The following RIPK1 variants were observed in gnomAD, a reference collection of about 807,000 sequenced individuals.
RIPK1 encodes the protein receptor interacting serine/threonine kinase 1.
Under a neutral mutation model 62.4 loss-of-function variants are expected in RIPK1, and 27 were observed. The ratio of observed to expected loss-of-function variants is 0.43; its 90% CI spans 0.32 to 0.60. The LOEUF (loss-of-function observed/expected upper bound fraction) is 0.60. Ranked by LOEUF, RIPK1 falls within the 20% of genes least tolerant of loss-of-function variation. The probability of loss-of-function intolerance (pLI) is 0.07; values close to 1 mark genes in which losing one functional copy is unlikely to be tolerated. For synonymous variants in RIPK1, 287 were observed against 303.2 expected, an observed-to-expected ratio of 0.95 and a Z score of 0.55; for missense variants, 735 against 831.0, an observed-to-expected ratio of 0.88 and a Z score of 1.42.
chr6:3,064,982 C>T (rs1352672604), upstream of RIPK1, among the ~76,000 whole-genome samples: 14 of 152,042 alleles, frequency 9.2e-5, no homozygotes, highest in Non-Finnish European at 1.8e-4. Context: ...GTGGCTCACG[C>T]CTGTAATCCC....
At position 3,094,362 on chromosome 6, in the gene RIPK1, A is replaced by G. The variant is rs139599963; in HGVS notation, c.915+4705A>G. ...AAAAATGTCCTCTGAGTATATTTCAATTATGTTCAAAATTAATTTTAAAAA... is the reference window on the plus strand; with the variant it reads ...AAAAATGTCCTCTGAGTATATTTCAGTTATGTTCAAAATTAATTTTAAAAA... On this transcript the variant is annotated intron_variant, in intron 7 of 10. Coordinates refer to ENST00000259808, the MANE Select transcript of RIPK1 (RefSeq NM_001354930.2). 5.2e-4 allele frequency among the ~76,000 whole-genome samples: 79 copies of G among 152,338 alleles called. 1 individual carries two copies. The highest frequency in any genetic ancestry group is 1.5e-4 in the Non-Finnish European group (10 of 68,028).
chr6:3,113,363 A>C lies in RIPK1; in HGVS notation c.*24A>C, dbSNP rs1268041963. 6.2e-7 allele frequency: 1 copy of C among 1,600,052 alleles called. No homozygotes were observed. Among genetic ancestry groups the C allele is most frequent in the Non-Finnish European group, 8.5e-7 (1 of 1,171,752 alleles). On this transcript the variant is annotated 3_prime_UTR_variant, in exon 11 of 11. Transcript: ENST00000259808. This position sits in a 1 kb window ranked among gnomAD's most constrained non-coding sequence, Gnocchi z 5.0. ...AACCCTGGATGGGCTACGGCAGCTG[A>C]AGTGGACGCCTCACTTAGTGGATAA...
At chr6:3,074,200 A>G (rs1758930514) in intron 1 of RIPK1, among the ~76,000 whole-genome samples, 1 of 152,180 alleles carries the variant, frequency 6.6e-6, no homozygotes, top group African/African-American at 2.4e-5. Context: ...CTGCCCACTC[A>G]GCCTCACCGT....
intron 1 of RIPK1, among the ~76,000 whole-genome samples, chr6:3,070,834 T>C (rs1758674193): frequency 6.6e-6 from 1 of 152,240 alleles, no homozygotes. Flanking sequence ...TCTTTGCATC[T>C]GGATTTTTCC....
chr6:3,101,027 C>T (rs933658822), intron 7 of RIPK1, among the ~76,000 whole-genome samples: 1 of 152,170 alleles, frequency 6.6e-6, no homozygotes, highest in Non-Finnish European at 1.5e-5. Context: ...TGGCTCGTGC[C>T]TGTAATCTCA....
rs144868834 is a variant in RIPK1 at position 3,106,903 on chromosome 6, A to G, written c.1576+852A>G. On this transcript the variant is annotated intron_variant, in intron 9 of 10. Transcript: ENST00000259808. Reference sequence around the variant, plus strand: ...CATGTTGGGGATAAAATTTTTTATTAGTATTGCCATATCATTTTATTCATT... The same window carrying G: ...CATGTTGGGGATAAAATTTTTTATTGGTATTGCCATATCATTTTATTCATT... 3.4e-3 allele frequency among the ~76,000 whole-genome samples: 513 copies of G among 152,348 alleles called. 3 individuals carry two copies. Among genetic ancestry groups the G allele is most frequent in the South Asian group, 0.027 (131 of 4,826 alleles).
chr6:3,104,370 C>G, intron 8 of RIPK1, 55 bp downstream of exon 8: 1 of 941,458 alleles, frequency 1.1e-6, no homozygotes, highest in Non-Finnish European at 1.7e-6. Flanking sequence ...TACTCATTCA[C>G]TCCACTCTCT....
At position 3,113,072 on chromosome 6, in the gene RIPK1, G is replaced by A. The variant is rs772256269; in HGVS notation, c.1749G>A (p.Thr583=). Residue 583 remains threonine, a synonymous_variant, in exon 11 of 11, where the codon ACG becomes ACA. Transcript: ENST00000259808. The surrounding 1 kb of genome is among the most constrained non-coding windows in gnomAD (Gnocchi z 5.0). ...QAIFDNTTSL[T]DKHLDPIREN... ...TGGCAGATAATACCACTAGTCTGAC[G>A]GATAAACACCTGGACCCAATCAGGG... 8.9e-6 allele frequency: 14 copies of A among 1,567,992 alleles called. No homozygotes were observed. The highest frequency in any genetic ancestry group is 1.8e-5 in the Admixed American group (1 of 54,832).
At chr6:3,083,397 T>C in intron 5 of RIPK1, 84 bp downstream of exon 5, 3 of 1,151,966 alleles carry the variant, frequency 2.6e-6, no homozygotes, top group Non-Finnish European at 3.7e-6. Flanking sequence ...CAGTAAATTT[T>C]TGTTGAATGA....
upstream of RIPK1, among the ~76,000 whole-genome samples, chr6:3,066,068 C>T (rs1758365668): frequency 6.6e-6 from 1 of 152,164 alleles, no homozygotes; most frequent in South Asian, 2.1e-4. Context: ...GAGTCTGGCT[C>T]TGTCACCCAG....
At chr6:3,085,545 TTTCAAACATGTTA>T (rs1235336199) in intron 6 of RIPK1, 137 bp downstream of exon 6, 2 of 895,878 alleles carry the variant, frequency 2.2e-6, no homozygotes, top group Admixed American at 5.1e-5. Context: ...ATTTTCTAGA[TTTCAAACATGTTA>T]TTCAGTGCAA....
At chr6:3,094,080 C>T (rs529995151) in intron 7 of RIPK1, among the ~76,000 whole-genome samples, 2,956 of 126,202 alleles carry the variant, frequency 0.023, 547 homozygotes, top group African/African-American at 0.13. Context: ...AACTGCAGCG[C>T]GCCTACCTCC....
intron 1 of RIPK1, 63 bp from the exon 2 acceptor site, chr6:3,076,701 T>TAC (rs140553992): frequency 0.067 from 15,823 of 235,156 alleles, 980 homozygotes; most frequent in South Asian, 0.12. Flanking sequence ...AAAAAAAACA[T>TAC]ATATATATAT....
intron 7 of RIPK1, among the ~76,000 whole-genome samples, chr6:3,097,455 G>T (rs1342838478): frequency 6.6e-6 from 1 of 152,194 alleles, no homozygotes; most frequent in South Asian, 2.1e-4. Flanking sequence ...CTAGAAACTT[G>T]ATTTTCACAG....
At position 3,085,365 on chromosome 6, in the gene RIPK1, G is replaced by C; in HGVS notation, c.795G>C (p.Lys265Asn). The change falls in exon 6 of 11, where the codon AAG becomes AAC. Residue 265 changes from lysine to asparagine, a missense_variant. Coordinates refer to ENST00000259808, the MANE Select transcript of RIPK1 (RefSeq NM_001354930.2). The stretch of plus-strand genomic sequence containing the variant: ...CAAGAGAAATTATCAGTCTCATGAA[G>C]CTCTGCTGGGAAGCGAATCCGGAAG... ...YCPREIISLM[K>N]LCWEANPEAR... 6.2e-7 allele frequency: 1 copy of C among 1,614,222 alleles called. No homozygotes were observed. The highest frequency in any genetic ancestry group is 8.5e-7 in the Non-Finnish European group (1 of 1,180,026).
intron 2 of RIPK1, 67 bp downstream of exon 2, chr6:3,077,054 C>T: frequency 1.4e-6 from 2 of 1,457,510 alleles, no homozygotes; most frequent in South Asian, 1.4e-5. Context: ...TGTTGTGGAG[C>T]CGTTGGCTGC....
chr6:3,065,824 G>A (rs1182797748), upstream of RIPK1, among the ~76,000 whole-genome samples: 1 of 152,128 alleles, frequency 6.6e-6, no homozygotes, highest in Non-Finnish European at 1.5e-5. Context: ...TTCATCTCAT[G>A]CACAGTCTAC....
intron 6 of RIPK1, among the ~76,000 whole-genome samples, chr6:3,086,068 G>C (rs985541735): frequency 2.1e-5 from 1 of 46,854 alleles, no homozygotes; most frequent in Non-Finnish European, 1.8e-4. Context: ...CCCTTGTTTA[G>C]CTGGCATCTT....
intron 1 of RIPK1, among the ~76,000 whole-genome samples, chr6:3,074,327 C>T (rs886340951): frequency 7.9e-5 from 12 of 152,154 alleles, no homozygotes; most frequent in African/African-American, 7.2e-5. Flanking sequence ...TCACTTATCA[C>T]GTTTTTGCAT....
Sources: gnomAD v4.1 joint callset for allele counts (sites outside exome capture counted in the v4.1 genomes callset) on GRCh38, gnomAD v4.1.1 for gene constraint, Gnocchi (gnomAD v3.1) non-coding constraint, MANE v1.5 for transcripts, NCBI Gene and HGNC (gene_info 2026-07-23, HGNC 2026-07-21) for gene names.